Variants in ZFYVE1 observed in about 807,000 individuals in gnomAD.
ZFYVE1 encodes zinc finger FYVE-type containing 1.
ZFYVE1 carries 30 observed loss-of-function variants against 74.4 expected under a neutral mutation model. That is an observed-to-expected ratio of 0.40 (90% confidence interval 0.30 to 0.55). The LOEUF is 0.55. Among genes scored for constraint, ZFYVE1 ranks in the 20% least tolerant of loss-of-function variants. ZFYVE1 has a pLI of 0.42. For missense variants in ZFYVE1, 703 were observed against 1,011.6 expected, an observed-to-expected ratio of 0.69 and a Z score of 4.14; for synonymous variants, 335 against 385.1, an observed-to-expected ratio of 0.87 and a Z score of 1.52.
chr14:72,992,823 A>G (rs1893652027), intron 4 of ZFYVE1, among the ~76,000 whole-genome samples: 2 of 152,216 alleles, frequency 1.3e-5, no homozygotes, highest in African/African-American at 4.8e-5. Flanking sequence ...AAAAGCATAA[A>G]GGCTGTCCAG....
intron 2 of ZFYVE1, among the ~76,000 whole-genome samples, chr14:73,015,614 C>T (rs917572073): frequency 9.9e-5 from 15 of 152,110 alleles, no homozygotes; most frequent in African/African-American, 3.6e-4. Context: ...GAATTCCTGA[C>T]CTCAAGTGAT....
At chr14:72,998,591 A>C (rs1027797485) in intron 2 of ZFYVE1, among the ~76,000 whole-genome samples, 1 of 152,166 alleles carries the variant, frequency 6.6e-6, no homozygotes, top group African/African-American at 2.4e-5. Flanking sequence ...AGGAGCTAAA[A>C]CCGTAAAACT....
At chr14:72,979,337 C>A in intron 5 of ZFYVE1, 1 of 201,072 alleles carries the variant, frequency 5.0e-6, no homozygotes, top group Admixed American at 5.2e-5. Context: ...TCGACTCTAC[C>A]AAAAATACAA....
At chr14:72,973,433 G>A (rs966479984) in intron 11 of ZFYVE1, among the ~76,000 whole-genome samples, 1 of 151,970 alleles carries the variant, frequency 6.6e-6, no homozygotes, top group South Asian at 2.1e-4. Context: ...AGGTTGCAGT[G>A]AGCCAAGATC....
At position 72,975,478 on chromosome 14, in the gene ZFYVE1, T is replaced by C; in HGVS notation, c.1806+73A>G. ...TTTGCGTCTCCCTCACAGAACAAGC[T>C]TAGCACAGGGCAAAGCGGCATTAAG... is the stretch of plus-strand genomic sequence containing the variant. On this transcript the variant is annotated intron_variant, in intron 9 of 11. Coordinates refer to ENST00000556143, the MANE Select transcript of ZFYVE1 (RefSeq NM_021260.4). This position sits in a 1 kb window ranked among gnomAD's most constrained non-coding sequence, Gnocchi z 4.1. The C allele has an allele frequency of 6.5e-7, 1 of 1,529,628 alleles. No homozygotes were observed. The highest frequency in any genetic ancestry group is 8.8e-7 in the Non-Finnish European group (1 of 1,138,898). 94.8% of individuals were successfully genotyped at this position (1,529,628 alleles called of 1,614,324 possible). A position where few individuals can be genotyped will look rare whatever the true frequency, so the allele number is the denominator to read the frequency against.
Position 72,969,507 on chromosome 14 carries a change from TC to T in ZFYVE1, c.*1374del, listed in dbSNP as rs1892973073. 8.5e-6 allele frequency: 5 copies of T among 588,228 alleles called. No homozygotes were observed. The highest frequency in any genetic ancestry group is 1.5e-5 in the Non-Finnish European group (5 of 332,130). The allele number at this position is 588,228 out of a possible 1,614,324, so 36.4% of individuals were successfully genotyped here. ...GATGGTACACAGTTCTAGAGTAGGGTCCCAGTCACTGGACCCCAGGAGGCAG... is the reference window on the plus strand; with the variant it reads ...GATGGTACACAGTTCTAGAGTAGGGTCCAGTCACTGGACCCCAGGAGGCAG... On this transcript the variant is annotated 3_prime_UTR_variant, in exon 12 of 12. Transcript: ENST00000556143.
At chr14:73,012,324 G>A (rs1231229320) in intron 2 of ZFYVE1, among the ~76,000 whole-genome samples, 1 of 152,062 alleles carries the variant, frequency 6.6e-6, no homozygotes, top group African/African-American at 2.4e-5. Context: ...GAATGGGGAT[G>A]CAAAAAGAAC....
At chr14:72,994,490 T>C (rs776120145) in intron 3 of ZFYVE1, among the ~76,000 whole-genome samples, 5 of 152,086 alleles carry the variant, frequency 3.3e-5, no homozygotes, top group African/African-American at 7.2e-5. Flanking sequence ...TGGTCTAGCA[T>C]TGAGTACGCA....
chr14:73,000,694 T>C (rs987650106), intron 2 of ZFYVE1, among the ~76,000 whole-genome samples: 5 of 151,708 alleles, frequency 3.3e-5, no homozygotes, highest in African/African-American at 7.3e-5. Context: ...TAAAATCACA[T>C]AGCCAGTCCG....
At chr14:73,012,922 G>A (rs1348650999) in intron 2 of ZFYVE1, among the ~76,000 whole-genome samples, 1 of 151,908 alleles carries the variant, frequency 6.6e-6, no homozygotes, top group Non-Finnish European at 1.5e-5. Context: ...AGACAGAAGG[G>A]ATTGAGCTAG....
chr14:72,973,227 G>T (rs1020806352), intron 11 of ZFYVE1, among the ~76,000 whole-genome samples: 1 of 151,264 alleles, frequency 6.6e-6, no homozygotes, highest in African/African-American at 2.4e-5. Flanking sequence ...AGTGGCTCAC[G>T]CCTGTAATCC....
chr14:73,011,378 T>C (rs1222680323), intron 2 of ZFYVE1, among the ~76,000 whole-genome samples: 1 of 151,900 alleles, frequency 6.6e-6, no homozygotes, highest in Non-Finnish European at 1.5e-5. Context: ...TCTCAGCTAC[T>C]CAGGAGGCTG....
chr14:73,024,476 G>A lies in ZFYVE1; in HGVS notation c.33C>T (p.Gly11=). MSAQTSPAEK[G]LNPGLMCQES... ...CCTGGCACATCAGCCCCGGATTCAG[G>A]CCCTTCTCTGCTGGGGAAGTCTGGG... Residue 11 remains glycine, a synonymous_variant, in exon 2 of 12, where the codon GGC becomes GGT. Coordinates refer to ENST00000556143, the MANE Select transcript of ZFYVE1 (RefSeq NM_021260.4). The A allele has an allele frequency of 6.2e-7, 1 of 1,610,962 alleles. No individual in the cohort carries two copies. Among genetic ancestry groups the A allele is most frequent in the Non-Finnish European group, 8.5e-7 (1 of 1,178,138 alleles).
intron 4 of ZFYVE1, among the ~76,000 whole-genome samples, chr14:72,983,551 A>G (rs1594836982): frequency 6.6e-6 from 1 of 151,944 alleles, no homozygotes; most frequent in African/African-American, 2.4e-5. Context: ...TTATGGCTGC[A>G]TAGTATTCCA....
intron 2 of ZFYVE1, among the ~76,000 whole-genome samples, chr14:73,004,945 G>T (rs1298542839): frequency 6.7e-6 from 1 of 148,794 alleles, no homozygotes; most frequent in South Asian, 2.1e-4. Context: ...GCAGTGAGCC[G>T]AGATCACGCC....
chr14:73,017,112 G>T (rs1042639426), intron 2 of ZFYVE1, among the ~76,000 whole-genome samples: 9 of 151,946 alleles, frequency 5.9e-5, no homozygotes, highest in African/African-American at 2.2e-4. Flanking sequence ...TCATAGTAAG[G>T]CCCTGTCTCA....
chr14:72,975,903 G>A lies in ZFYVE1; in HGVS notation c.1636-182C>T. 1.5e-6 allele frequency: 1 copy of A among 657,386 alleles called. No individual in the cohort carries two copies. Among genetic ancestry groups the A allele is most frequent in the Non-Finnish European group, 2.5e-6 (1 of 394,278 alleles). 40.7% of individuals were successfully genotyped at this position (657,386 alleles called of 1,614,324 possible). A position where few individuals can be genotyped will look rare whatever the true frequency, so the allele number is the denominator to read the frequency against. ...TTTATTCTCTTCAAAGTGACCATAAGACTTGATGTGTAGCTGTTCAATTCA... is the reference window on the plus strand; with the variant it reads ...TTTATTCTCTTCAAAGTGACCATAAAACTTGATGTGTAGCTGTTCAATTCA... On this transcript the variant is annotated intron_variant, in intron 8 of 11. Transcript: ENST00000556143. The surrounding 1 kb of genome is among the most constrained non-coding windows in gnomAD (Gnocchi z 4.1).
chr14:72,982,451 C>T (rs1044282109), intron 4 of ZFYVE1, among the ~76,000 whole-genome samples: 2 of 151,692 alleles, frequency 1.3e-5, no homozygotes, highest in African/African-American at 4.8e-5. Flanking sequence ...CTCTACCAAC[C>T]CCCAAAACAG....
intron 2 of ZFYVE1, among the ~76,000 whole-genome samples, chr14:73,008,667 C>G (rs1178476341): frequency 6.6e-6 from 1 of 152,174 alleles, no homozygotes; most frequent in East Asian, 1.9e-4. Flanking sequence ...ACCTCATCCT[C>G]AAGGGAACTT....
Sources: gnomAD v4.1 joint callset for allele counts (sites outside exome capture counted in the v4.1 genomes callset) on GRCh38, gnomAD v4.1.1 for gene constraint, Gnocchi (gnomAD v3.1) non-coding constraint, MANE v1.5 for transcripts, NCBI Gene and HGNC (gene_info 2026-07-23, HGNC 2026-07-21) for gene names.